LRRC7: variants seen among roughly 807,000 people sequenced by gnomAD.
The protein encoded by LRRC7 is leucine-rich repeat-containing protein 7.
In LRRC7, 23 loss-of-function variants were observed where a neutral mutation model predicts 175.7. The observed-to-expected ratio is 0.13, with a 90% CI of 0.09 to 0.19. LRRC7 has a LOEUF of 0.19. LRRC7 is among the 10% of genes least tolerant of loss of function. The pLI is 1.00. For missense variants in LRRC7, 1,354 were observed against 1,904.7 expected (o/e 0.71, Z 5.38); for synonymous variants, 685 against 680.9 (o/e 1.01, Z -0.09).
intron 1 of LRRC7, among the ~76,000 whole-genome samples, chr1:69,568,874 C>A (rs1557649359): frequency 6.6e-6 from 1 of 152,162 alleles, no homozygotes; most frequent in Non-Finnish European, 1.5e-5. Flanking sequence ...TGCATGGGAG[C>A]ACCGAGTAGC....
At chr1:70,037,355 A>G (rs1424443463) in intron 20 of LRRC7, among the ~76,000 whole-genome samples, 3 of 152,214 alleles carry the variant, frequency 2.0e-5, no homozygotes, top group Non-Finnish European at 4.4e-5. Context: ...CTAATCATTG[A>G]TGCTCATAAT....
intron 23 of LRRC7, among the ~76,000 whole-genome samples, chr1:70,055,183 A>G (rs1356443423): frequency 6.6e-6 from 1 of 152,180 alleles, no homozygotes; most frequent in East Asian, 1.9e-4. Flanking sequence ...ATACAGGGCT[A>G]TGACAGTACC....
At chr1:69,644,292 C>G (rs1654675826) in intron 1 of LRRC7, among the ~76,000 whole-genome samples, 1 of 151,976 alleles carries the variant, frequency 6.6e-6, no homozygotes, top group African/African-American at 2.4e-5. Flanking sequence ...TTGTATTTCT[C>G]TCTTTTTTTC....
chr1:69,777,236 A>G (rs1204581486), intron 3 of LRRC7, among the ~76,000 whole-genome samples: 1 of 152,036 alleles, frequency 6.6e-6, no homozygotes, highest in Non-Finnish European at 1.5e-5. Flanking sequence ...AGCAGGAGGA[A>G]CTCTTTTTAG....
chr1:69,668,481 C>T (rs574398718), intron 1 of LRRC7, among the ~76,000 whole-genome samples: 87 of 152,172 alleles, frequency 5.7e-4, no homozygotes, highest in African/African-American at 2.1e-3. Flanking sequence ...GAACTCATCC[C>T]TTTTTATGGA....
chr1:69,855,571 GC>G (rs1683504105), intron 7 of LRRC7, among the ~76,000 whole-genome samples: 1 of 152,146 alleles, frequency 6.6e-6, no homozygotes, highest in Admixed American at 6.5e-5. Flanking sequence ...TGGAATAAGT[GC>G]GATGTGGTGC....
intron 4 of LRRC7, among the ~76,000 whole-genome samples, chr1:69,815,624 A>T (rs1479903221): frequency 6.6e-6 from 1 of 152,226 alleles, no homozygotes; most frequent in Non-Finnish European, 1.5e-5. Context: ...ACTTATCAAA[A>T]TTATTCTGAA....
intron 7 of LRRC7, among the ~76,000 whole-genome samples, chr1:69,847,667 A>T (rs1042735814): frequency 6.6e-6 from 1 of 152,040 alleles, no homozygotes; most frequent in Admixed American, 6.6e-5. Flanking sequence ...ACTAGCCCCA[A>T]ATCACTAGCC....
chr1:69,820,929 A>G (rs1454948086), intron 4 of LRRC7, among the ~76,000 whole-genome samples: 1 of 152,138 alleles, frequency 6.6e-6, no homozygotes, highest in Non-Finnish European at 1.5e-5. Context: ...TCCTTAAGCA[A>G]TCTCCACACT....
At chr1:69,833,761 TAGG>T (rs1358913326) in intron 5 of LRRC7, among the ~76,000 whole-genome samples, 1 of 151,938 alleles carries the variant, frequency 6.6e-6, no homozygotes, top group African/African-American at 2.4e-5. Flanking sequence ...GATTGGAACT[TAGG>T]AGGTCAGTGG....
Position 69,680,313 on chromosome 1 carries a change from C to T in LRRC7, c.100+1835C>T, listed in dbSNP as rs538327319. On this transcript the variant is annotated intron_variant, in intron 2 of 26. Coordinates refer to ENST00000651989, the MANE Select transcript of LRRC7 (RefSeq NM_001370785.2). Reference sequence around the variant, plus strand: ...TGATTGACATCAGACGATACTAAATCGTTATCTATACAAAAGAGGAATAAT... The same window carrying T: ...TGATTGACATCAGACGATACTAAATTGTTATCTATACAAAAGAGGAATAAT... 3.9e-5 allele frequency among the ~76,000 whole-genome samples: 6 copies of T among 152,178 alleles called. No individual in the cohort carries two copies. In the East Asian group the frequency reaches 9.7e-4, roughly 24 times the overall value.
chr1:69,727,038 A>T lies in LRRC7; in HGVS notation c.101-33153A>T, dbSNP rs139525325. On this transcript the variant is annotated intron_variant, in intron 2 of 26. Transcript: ENST00000651989. ...TTGAACTACAGTGAGGTTGCAACACATGCCTCAATGGAACCTAAGGGTAGC... is the reference window on the plus strand; with the variant it reads ...TTGAACTACAGTGAGGTTGCAACACTTGCCTCAATGGAACCTAAGGGTAGC... Among the ~76,000 whole-genome samples the T allele has an allele frequency of 2.4e-4, 37 of 152,316 alleles. No homozygotes were observed. In the East Asian group the frequency reaches 6.0e-3, roughly 25 times the overall value.
chr1:69,921,876 A>G (rs1646898326), intron 7 of LRRC7, among the ~76,000 whole-genome samples: 1 of 151,944 alleles, frequency 6.6e-6, no homozygotes, highest in African/African-American at 2.4e-5. Context: ...ATTTCTTACT[A>G]CTTCCTACCA....
In LRRC7 at chr1:69,774,154, A is replaced by G. The variant is rs145675318; in HGVS notation, c.303+13761A>G. 5.3e-3 allele frequency among the ~76,000 whole-genome samples: 800 copies of G among 152,310 alleles called. 1 individual carries two copies. The highest frequency in any genetic ancestry group is 8.9e-3 in the Non-Finnish European group (607 of 68,024). ...GACCAGGGCCCAGTTCAGAAGAGCA[A>G]TAAAGGAATATCTTACAAAGCCAGG... On this transcript the variant is annotated intron_variant, in intron 3 of 26. Transcript: ENST00000651989.
intron 26 of LRRC7, among the ~76,000 whole-genome samples, chr1:70,120,182 G>A (rs542206138): frequency 1.3e-5 from 2 of 152,144 alleles, no homozygotes; most frequent in East Asian, 3.9e-4. Flanking sequence ...ATAACGCAGA[G>A]CAAGAAATCT....
chr1:70,103,736 G>A (rs1046545957), intron 25 of LRRC7, among the ~76,000 whole-genome samples: 1 of 152,128 alleles, frequency 6.6e-6, no homozygotes, highest in Non-Finnish European at 1.5e-5. Flanking sequence ...TTGAAAAAGA[G>A]GGTTAATGAT....
rs762251388 is a variant in LRRC7, at chr1:70,129,464, T to G, written c.*7577T>G. 3.9e-5 allele frequency among the ~76,000 whole-genome samples: 6 copies of G among 152,134 alleles called. No individual in the cohort carries two copies. The highest frequency in any genetic ancestry group is 7.4e-5 in the Non-Finnish European group (5 of 68,020). On this transcript the variant is annotated 3_prime_UTR_variant, in exon 27 of 27. Coordinates refer to ENST00000651989, the MANE Select transcript of LRRC7 (RefSeq NM_001370785.2). ...TGAAGAAAGGTGTTCCTCAACTTGG[T>G]CCAGCACTGAGTCTGTATGCCCCTG...
At chr1:70,041,069 G>A (rs985336135) in intron 21 of LRRC7, among the ~76,000 whole-genome samples, 1 of 152,086 alleles carries the variant, frequency 6.6e-6, no homozygotes, top group Non-Finnish European at 1.5e-5. Context: ...TGGTGAAAAT[G>A]GGGCTTTTTG....
In LRRC7 at chr1:69,860,560, A is replaced by T. The variant is rs867617470; in HGVS notation, c.647+22277A>T. Among the ~76,000 whole-genome samples the T allele has an allele frequency of 4.1e-4, 63 of 152,154 alleles. 1 individual carries two copies. Among genetic ancestry groups the T allele is most frequent in the Non-Finnish European group, 1.6e-4 (11 of 67,914 alleles). ...ACACTTAGCAAATCTCAGGCCTAAT[A>T]TATACTAGAATGAATAAGAATATTT... On this transcript the variant is annotated intron_variant, in intron 7 of 26. Transcript: ENST00000651989.
Sources: allele counts gnomAD v4.1 joint callset (sites outside exome capture counted in the v4.1 genomes callset), GRCh38; gene constraint gnomAD v4.1.1; transcripts MANE v1.5; gene names NCBI Gene and HGNC (gene_info 2026-07-23, HGNC 2026-07-21).